SPAG16: variants seen among roughly 807,000 people sequenced by gnomAD.
SPAG16 encodes the protein sperm-associated antigen 16 protein.
A neutral mutation model predicts 80.4 loss-of-function variants in SPAG16; 86 were observed. That is an observed-to-expected ratio of 1.07 (90% CI 0.90 to 1.28). SPAG16 has a LOEUF of 1.28. Among genes scored for constraint, SPAG16 ranks in the 50% most tolerant of loss-of-function variants. The probability of loss-of-function intolerance (pLI) is 0.00; values close to 1 mark genes in which losing one functional copy is unlikely to be tolerated. For missense variants in SPAG16, 870 were observed against 765.3 expected (o/e 1.14, Z -1.61); for synonymous variants, 294 against 265.9 (o/e 1.11, Z -1.03).
At chr2:214,155,758 C>G (rs2056185263) in intron 15 of SPAG16, among the ~76,000 whole-genome samples, 1 of 152,132 alleles carries the variant, frequency 6.6e-6, no homozygotes, top group Non-Finnish European at 1.5e-5. Flanking sequence ...GGATCTTGTC[C>G]TACACTAAAG....
chr2:213,782,449 A>G (rs116669474), intron 10 of SPAG16, among the ~76,000 whole-genome samples: 2,600 of 152,330 alleles, frequency 0.017, 43 homozygotes, highest in Non-Finnish European at 0.028. Context: ...GTAGTACCAA[A>G]TGTAACAACT....
intron 15 of SPAG16, among the ~76,000 whole-genome samples, chr2:214,204,217 C>T (rs1023998293): frequency 3.3e-5 from 5 of 152,226 alleles, no homozygotes; most frequent in Non-Finnish European, 7.3e-5. Context: ...TAACCCTGCC[C>T]TCACCTGATG....
chr2:214,337,171 A>T (rs898631477), intron 15 of SPAG16, among the ~76,000 whole-genome samples: 2 of 152,032 alleles, frequency 1.3e-5, no homozygotes, highest in Non-Finnish European at 2.9e-5. Flanking sequence ...GTCCAAACTA[A>T]TTTTTTCTCT....
At chr2:214,401,793 A>G (rs1014609080) in intron 15 of SPAG16, among the ~76,000 whole-genome samples, 9 of 151,994 alleles carry the variant, frequency 5.9e-5, no homozygotes, top group Admixed American at 3.9e-4. Context: ...GCTGACTCAT[A>G]GTATTGCTAG....
chr2:213,586,551 T>A (rs1223099001), intron 10 of SPAG16, among the ~76,000 whole-genome samples: 2 of 152,242 alleles, frequency 1.3e-5, no homozygotes, highest in East Asian at 3.9e-4. Flanking sequence ...CAAATTCATG[T>A]TCTTCTTACA....
At chr2:214,359,169 C>T (rs1332155393) in intron 15 of SPAG16, among the ~76,000 whole-genome samples, 1 of 151,796 alleles carries the variant, frequency 6.6e-6, no homozygotes, top group South Asian at 2.1e-4. Flanking sequence ...AAGTATTTGA[C>T]GTGTATCAAA....
chr2:214,353,234 C>A (rs765022660), intron 15 of SPAG16, among the ~76,000 whole-genome samples: 2 of 151,674 alleles, frequency 1.3e-5, no homozygotes, highest in Admixed American at 6.6e-5. Context: ...GGCTAAAAAT[C>A]AAGCTGATTA....
At chr2:213,842,571 AAC>A (rs144689897) in intron 10 of SPAG16, among the ~76,000 whole-genome samples, 1,547 of 151,890 alleles carry the variant, frequency 0.01, 13 homozygotes, top group Non-Finnish European at 0.017. Flanking sequence ...TTGCCAAACT[AAC>A]ATTTTGTTTG....
intron 10 of SPAG16, among the ~76,000 whole-genome samples, chr2:213,657,853 A>G (rs1389141664): frequency 1.3e-5 from 2 of 152,306 alleles, no homozygotes; most frequent in Non-Finnish European, 2.9e-5. Context: ...AAGAATGATT[A>G]GTAGAGGTTT....
chr2:214,407,945 G>A (rs1050368141), intron 15 of SPAG16, among the ~76,000 whole-genome samples: 24 of 152,052 alleles, frequency 1.6e-4, no homozygotes, highest in African/African-American at 5.3e-4. Context: ...AATTAGTTAC[G>A]ATACGTACTC....
chr2:213,403,117 A>G (rs1402424398), intron 9 of SPAG16, among the ~76,000 whole-genome samples: 6 of 152,006 alleles, frequency 3.9e-5, no homozygotes, highest in Admixed American at 3.9e-4. Flanking sequence ...AATGATCGCC[A>G]TTCTAACTGG....
chr2:213,629,857 C>T (rs867805013), intron 10 of SPAG16, among the ~76,000 whole-genome samples: 19 of 152,308 alleles, frequency 1.2e-4, no homozygotes, highest in Middle Eastern at 6.8e-3. Flanking sequence ...GCTGTGTCTC[C>T]TTCCTGGGTC....
chr2:213,524,935 G>A, intron 10 of SPAG16, among the ~76,000 whole-genome samples: 1 of 152,112 alleles, frequency 6.6e-6, no homozygotes, highest in Non-Finnish European at 1.5e-5. Context: ...TGGGACCTGT[G>A]ATTTGGGAAG....
intron 13 of SPAG16, among the ~76,000 whole-genome samples, chr2:214,043,956 T>C (rs1488893690): frequency 6.6e-6 from 1 of 152,132 alleles, no homozygotes; most frequent in Non-Finnish European, 1.5e-5. Context: ...AAGTTCTATA[T>C]CTATATACTG....
At chr2:213,686,714 T>C (rs560295134) in intron 10 of SPAG16, among the ~76,000 whole-genome samples, 49 of 127,074 alleles carry the variant, frequency 3.9e-4, no homozygotes, top group African/African-American at 1.4e-3. Context: ...TGAGACAGAG[T>C]CTCGCTCTGT....
intron 12 of SPAG16, among the ~76,000 whole-genome samples, chr2:213,980,507 A>G (rs1318847681): frequency 7.1e-6 from 1 of 140,308 alleles, no homozygotes; most frequent in Non-Finnish European, 1.5e-5. Context: ...ATATATGTGT[A>G]TATATAATAT....
At chr2:214,311,936 C>G (rs1695365100) in intron 15 of SPAG16, among the ~76,000 whole-genome samples, 1 of 152,044 alleles carries the variant, frequency 6.6e-6, no homozygotes, top group South Asian at 2.1e-4. Flanking sequence ...CCTCATACAC[C>G]CTTACTCTTT....
intron 15 of SPAG16, among the ~76,000 whole-genome samples, chr2:214,227,249 A>G (rs1045891110): frequency 1.3e-5 from 2 of 152,076 alleles, no homozygotes; most frequent in Non-Finnish European, 2.9e-5. Context: ...TATTCTGACT[A>G]TAAACCACAG....
intron 13 of SPAG16, among the ~76,000 whole-genome samples, chr2:214,048,566 T>C (rs1272762237): frequency 6.7e-6 from 1 of 149,670 alleles, no homozygotes; most frequent in Non-Finnish European, 1.5e-5. Flanking sequence ...AAGGGGGTAG[T>C]AGACGGGTGG....
Sources: gnomAD v4.1 joint callset for allele counts (sites outside exome capture counted in the v4.1 genomes callset) on GRCh38, gnomAD v4.1.1 for gene constraint, MANE v1.5 for transcripts, NCBI Gene and HGNC (gene_info 2026-07-23, HGNC 2026-07-21) for gene names.